ENOX1: variants seen among roughly 807,000 people sequenced by gnomAD.
ENOX1 encodes ecto-NOX disulfide-thiol exchanger 1, also known as candidate growth-related and time keeping constitutive hydroquinone (NADH) oxidase.
In ENOX1, 42 loss-of-function variants were observed where a neutral mutation model predicts 82.5. The ratio of observed to expected loss-of-function variants is 0.51; its 90% CI spans 0.40 to 0.66. ENOX1 has a LOEUF of 0.66. Among genes scored for constraint, ENOX1 ranks in the 30% least tolerant of loss-of-function variants. The probability of loss-of-function intolerance (pLI) is 0.00; values close to 1 mark genes in which losing one functional copy is unlikely to be tolerated. For synonymous variants in ENOX1, 271 were observed against 282.2 expected (o/e 0.96, Z 0.40); for missense variants, 608 against 811.6 (o/e 0.75, Z 3.05).
intron 1 of ENOX1, among the ~76,000 whole-genome samples, chr13:43,747,926 A>C (rs931574637): frequency 1.3e-5 from 2 of 152,222 alleles, no homozygotes; most frequent in African/African-American, 2.4e-5. Context: ...TTCAAGTAGG[A>C]ATTTAGACAA....
intron 2 of ENOX1, among the ~76,000 whole-genome samples, chr13:43,607,516 C>A (rs528740979): frequency 4.8e-4 from 73 of 152,264 alleles, no homozygotes; most frequent in Admixed American, 2.8e-3. Context: ...AATGTTAAGT[C>A]TGGCCATATA....
At chr13:43,505,962 C>G (rs61959524) in intron 2 of ENOX1, among the ~76,000 whole-genome samples, 33,782 of 151,934 alleles carry the variant, frequency 0.22, 4,063 homozygotes, top group Middle Eastern at 0.29. Context: ...TTTCAGCTTT[C>G]TACATATGGC....
intron 3 of ENOX1, among the ~76,000 whole-genome samples, chr13:43,472,758 C>G (rs2153649144): frequency 1.3e-5 from 2 of 152,232 alleles, no homozygotes; most frequent in African/African-American, 4.8e-5. Flanking sequence ...TAATATGAGC[C>G]AAGTTCTATG....
At chr13:43,693,708 C>T (rs903557367) in intron 1 of ENOX1, among the ~76,000 whole-genome samples, 5 of 152,112 alleles carry the variant, frequency 3.3e-5, no homozygotes, top group Admixed American at 2.6e-4. Flanking sequence ...AACGCATGCA[C>T]AGGTTACCAG....
chr13:43,539,409 T>A (rs1363738777), intron 2 of ENOX1, among the ~76,000 whole-genome samples: 1 of 152,210 alleles, frequency 6.6e-6, no homozygotes, highest in African/African-American at 2.4e-5. Flanking sequence ...TAATTTCCAC[T>A]GTGATTTCTC....
rs1321659439 is a variant in ENOX1, at chr13:43,412,851, C to T, written c.64G>A (p.Ala22Thr). ...GCTGGCCACTGGCATTTACCTGCAG[C>T]CATCATCTGAGGAAGCTCCTGGGGA... Reference protein sequence around the residue: ...QLPQELPQMMAAAADGLGSIA... With the variant: ...QLPQELPQMMTAAADGLGSIA... Residue 22 changes from alanine to threonine, a missense_variant, in exon 4 of 17, where the codon GCT becomes ACT. Ala to Thr is a moderately conservative substitution (Grantham distance 58, BLOSUM62 0). Coordinates refer to ENST00000690772, the MANE Select transcript of ENOX1 (RefSeq NM_001347969.2). The T allele has an allele frequency of 6.2e-7, 1 of 1,613,916 alleles. No individual in the cohort carries two copies. The highest frequency in any genetic ancestry group is 1.3e-5 in the African/African-American group (1 of 74,884).
Position 43,786,552 on chromosome 13 carries a change from T to G in ENOX1, c.-285+100A>C, listed in dbSNP as rs1037474703. The stretch of plus-strand genomic sequence containing the variant: ...TCCCCTCCCCCCTCGCCCACTCCCC[T>G]CTCAGTCTAGATCCAGGTGCCGTGG... On this transcript the variant is annotated intron_variant, in intron 1 of 16. Transcript: ENST00000690772. This position sits in a 1 kb window ranked among gnomAD's most constrained non-coding sequence, Gnocchi z 6.0. 6.6e-6 allele frequency: 1 copy of G among 152,012 alleles called. No individual in the cohort carries two copies. Among genetic ancestry groups the G allele is most frequent in the Admixed American group, 6.6e-5 (1 of 15,254 alleles). The allele number at this position is 152,012 out of a possible 1,614,324, so 9.4% of individuals were successfully genotyped here. A position where few individuals can be genotyped will look rare whatever the true frequency, so the allele number is the denominator to read the frequency against.
chr13:43,568,729 C>T (rs1031710256), intron 2 of ENOX1, among the ~76,000 whole-genome samples: 2 of 148,592 alleles, frequency 1.3e-5, no homozygotes, highest in Admixed American at 1.3e-4. Context: ...CAAGTTCCTA[C>T]ACTAATTTGT....
intron 2 of ENOX1, among the ~76,000 whole-genome samples, chr13:43,582,445 A>G (rs566556693): frequency 6.6e-6 from 1 of 152,226 alleles, no homozygotes; most frequent in Non-Finnish European, 1.5e-5. Context: ...TTTATTTTCA[A>G]TAAATAAATT....
At chr13:43,471,216 G>A (rs184700931) in intron 3 of ENOX1, among the ~76,000 whole-genome samples, 68 of 152,134 alleles carry the variant, frequency 4.5e-4, no homozygotes, top group Admixed American at 7.2e-4. Context: ...AGCCTGACAC[G>A]AAAGAGTATA....
chr13:43,595,017 G>A (rs1164794037), intron 2 of ENOX1, among the ~76,000 whole-genome samples: 1 of 151,536 alleles, frequency 6.6e-6, no homozygotes, highest in African/African-American at 2.4e-5. Flanking sequence ...GTTTATCAGA[G>A]AGGCGGGTGG....
At chr13:43,669,696 C>G (rs2085162303) in intron 1 of ENOX1, among the ~76,000 whole-genome samples, 1 of 152,074 alleles carries the variant, frequency 6.6e-6, no homozygotes, top group African/African-American at 2.4e-5. Context: ...AGTACATAAC[C>G]TGTCTTCCCA....
chr13:43,296,627 T>C (rs1233229652), intron 12 of ENOX1, among the ~76,000 whole-genome samples: 1 of 152,166 alleles, frequency 6.6e-6, no homozygotes, highest in Non-Finnish European at 1.5e-5. Context: ...CTTAACTGAA[T>C]CCCTCCATCA....
At chr13:43,393,316 A>C (rs1181453192) in intron 5 of ENOX1, among the ~76,000 whole-genome samples, 3 of 152,196 alleles carry the variant, frequency 2.0e-5, no homozygotes, top group African/African-American at 7.2e-5. Context: ...GGTATTTTTT[A>C]ATTTCTTCTT....
At chr13:43,372,947 A>G (rs1185874059) in intron 5 of ENOX1, among the ~76,000 whole-genome samples, 1 of 152,078 alleles carries the variant, frequency 6.6e-6, no homozygotes, top group East Asian at 1.9e-4. Context: ...ATCTGCAAAA[A>G]AAAAAGGACT....
At chr13:43,356,575 T>C (rs2050173403) in intron 7 of ENOX1, among the ~76,000 whole-genome samples, 1 of 152,204 alleles carries the variant, frequency 6.6e-6, no homozygotes, top group Admixed American at 6.5e-5. Flanking sequence ...ACTATAATTC[T>C]ACTGTATAGG....
intron 7 of ENOX1, among the ~76,000 whole-genome samples, chr13:43,358,185 A>T (rs1161049213): frequency 1.3e-5 from 2 of 152,144 alleles, no homozygotes; most frequent in East Asian, 3.9e-4. Flanking sequence ...GTGTCTTATG[A>T]GGCTTCTGAT....
intron 2 of ENOX1, among the ~76,000 whole-genome samples, chr13:43,569,423 T>C (rs574882047): frequency 1.3e-5 from 2 of 152,342 alleles, no homozygotes; most frequent in Admixed American, 1.3e-4. Context: ...GGTTATTCTC[T>C]GCATTCTGTT....
At chr13:43,270,874 C>T (rs1218013088) in intron 12 of ENOX1, among the ~76,000 whole-genome samples, 1 of 152,178 alleles carries the variant, frequency 6.6e-6, no homozygotes, top group Non-Finnish European at 1.5e-5. Context: ...TCCATATGCG[C>T]TCACTTAACA....
Sources: gnomAD v4.1 joint callset for allele counts (sites outside exome capture counted in the v4.1 genomes callset) on GRCh38, gnomAD v4.1.1 for gene constraint, Gnocchi (gnomAD v3.1) non-coding constraint, MANE v1.5 for transcripts, NCBI Gene and HGNC (gene_info 2026-07-23, HGNC 2026-07-21) for gene names.